Variants in HEXA observed in about 807,000 individuals in gnomAD.
HEXA encodes beta-hexosaminidase subunit alpha.
In HEXA, 54 loss-of-function variants were observed where a neutral mutation model predicts 73.3. The observed-to-expected ratio is 0.74, with a 90% CI of 0.59 to 0.92. The LOEUF (loss-of-function observed/expected upper bound fraction) is 0.92, where lower values mean the gene tolerates loss of function less well. Ranked by LOEUF, HEXA falls within the 40% of genes least tolerant of loss-of-function variation. The pLI, the probability that HEXA is intolerant of heterozygous loss-of-function variation, is 0.00. For missense variants in HEXA, 649 were observed against 653.0 expected (o/e 0.99, Z 0.07); for synonymous variants, 230 against 246.9 (o/e 0.93, Z 0.64).
At position 72,370,895 on chromosome 15, in the gene HEXA, T is replaced by C. The variant is rs560290445; in HGVS notation, c.253+4825A>G. On this transcript the variant is annotated intron_variant, in intron 1 of 13. Coordinates refer to ENST00000268097, the MANE Select transcript of HEXA (RefSeq NM_000520.6). ...TTTATTCATCACTGTATTTCTCCTA[T>C]GTATCCCTCGTTCTCCAGAAACCCC... 1.5e-4 allele frequency among the ~76,000 whole-genome samples: 23 copies of C among 152,294 alleles called. No individual in the cohort carries two copies. In the South Asian group the frequency reaches 3.9e-3, roughly 26 times the overall value.
chr15:72,369,882 A>G (rs2088965901), intron 1 of HEXA: 1 of 152,168 alleles, frequency 6.6e-6, no homozygotes, highest in African/African-American at 2.4e-5. Flanking sequence ...AAAACCTTCC[A>G]ATGCTATGCT....
intron 1 of HEXA, among the ~76,000 whole-genome samples, chr15:72,375,398 C>T (rs1475030199): frequency 1.3e-5 from 2 of 152,098 alleles, no homozygotes; most frequent in Non-Finnish European, 2.9e-5. Flanking sequence ...TTATGTCTCC[C>T]CAATTTTGAG....
intron 1 of HEXA, among the ~76,000 whole-genome samples, chr15:72,368,699 G>A (rs1007588297): frequency 3.3e-5 from 5 of 152,164 alleles, no homozygotes; most frequent in Admixed American, 2.6e-4. Flanking sequence ...ATAGGAGACT[G>A]AAGGCTTCAC....
At chr15:72,347,948 G>A in intron 9 of HEXA, 100 bp downstream of exon 9, 1 of 1,006,912 alleles carries the variant, frequency 9.9e-7, no homozygotes, top group Non-Finnish European at 1.6e-6. Context: ...AACCCTGCAG[G>A]GACCAGACAG....
intron 7 of HEXA, among the ~76,000 whole-genome samples, chr15:72,349,803 G>A (rs1352730213): frequency 6.6e-6 from 1 of 151,820 alleles, no homozygotes; most frequent in East Asian, 1.9e-4. Flanking sequence ...TTGCTCTGTC[G>A]CCCAGGCTGG....
At chr15:72,357,013 T>C in intron 1 of HEXA, 1 of 345,006 alleles carries the variant, frequency 2.9e-6, no homozygotes, top group Non-Finnish European at 5.7e-6. Flanking sequence ...ACTGTGTTAC[T>C]GGCTGGTCAC....
In HEXA at chr15:72,351,390, T is replaced by TGGC. The variant is rs2088694387; in HGVS notation, c.571-157_571-156insGCC. Reference sequence around the variant, plus strand: ...AAGTATTTATGGGGTCTATCAAACCTTCCCATCAGGGAGGGATGGCATGGA... The same window carrying TGGC: ...AAGTATTTATGGGGTCTATCAAACCTGGCTCCCATCAGGGAGGGATGGCATGGA... On this transcript the variant is annotated intron_variant, in intron 5 of 13. Transcript: ENST00000268097. The TGGC allele has an allele frequency of 5.8e-6, 4 of 690,122 alleles. No homozygotes were observed. In the South Asian group the frequency reaches 6.2e-5, roughly 11 times the overall value. The allele number at this position is 690,122 out of a possible 1,614,324, so 42.7% of individuals were successfully genotyped here.
At chr15:72,375,592 A>T (rs2089052459) in intron 1 of HEXA, 128 bp downstream of exon 1, 1 of 956,342 alleles carries the variant, frequency 1.0e-6, no homozygotes, top group African/African-American at 1.6e-5. Flanking sequence ...CAGCTCGAGG[A>T]GGAAGTGGAG....
At chr15:72,361,721 C>A (rs898729461) in intron 1 of HEXA, among the ~76,000 whole-genome samples, 1 of 152,214 alleles carries the variant, frequency 6.6e-6, no homozygotes, top group Non-Finnish European at 1.5e-5. Context: ...TACAGACTGT[C>A]TGATATCTCA....
intron 9 of HEXA, 130 bp from the exon 10 acceptor site, chr15:72,347,888 G>A (rs2088638989): frequency 2.9e-6 from 3 of 1,038,366 alleles, no homozygotes; most frequent in Non-Finnish European, 4.5e-6. Flanking sequence ...TTTCCCCTGG[G>A]CTGAAAACCA....
In HEXA at chr15:72,345,534, C is replaced by T. The variant is rs370638338; in HGVS notation, c.1438G>A (p.Val480Ile). The change falls in exon 13 of 14, where the codon GTT (valine) becomes ATT (isoleucine). Residue 480 changes from valine to isoleucine, a missense_variant. Val to Ile is a conservative substitution (Grantham distance 29). Transcript: ENST00000268097. ...TTGTTGCTCCACAGCCTTTCGGCAA[C>T]AGCCCCTGCTCTGGGCCTGGAGGAA... Reference protein sequence around the residue: ...VPRLWPRAGAVAERLWSNKLT... With the variant: ...VPRLWPRAGAIAERLWSNKLT... 6.2e-7 allele frequency: 1 copy of T among 1,614,106 alleles called. No individual in the cohort carries two copies. The highest frequency in any genetic ancestry group is 1.3e-5 in the African/African-American group (1 of 74,954).
Position 72,347,755 on chromosome 15 carries a change from C to T in HEXA, c.1077G>A (p.Leu359=). ...TGCCATAAGAAGAGACGATGTCCAG[C>T]AGCCTGGAGAGGAGAGGAGTGTCTA... is the stretch of plus-strand genomic sequence containing the variant. ...KQLESFYIQT[L]LDIVSSYGKG... is the part of the protein sequence containing the mutation. The change falls in exon 10 of 14, where the codon CTG becomes CTA. Residue 359 remains leucine, a synonymous_variant. Transcript: ENST00000268097. The T allele has an allele frequency of 1.2e-6, 2 of 1,614,116 alleles. No individual in the cohort carries two copies. The highest frequency in any genetic ancestry group is 1.7e-6 in the Non-Finnish European group (2 of 1,179,940).
rs746828145 is a variant in HEXA at position 72,346,256 on chromosome 15, G to C, written c.1400C>G (p.Thr467Arg). The C allele has an allele frequency of 6.2e-7, 1 of 1,613,784 alleles. No homozygotes were observed. The highest frequency in any genetic ancestry group is 8.5e-7 in the Non-Finnish European group (1 of 1,179,782). The change falls in exon 12 of 14, where the codon ACA becomes AGA. Residue 467 changes from threonine (T) to arginine (R), a missense_variant. Transcript: ENST00000268097. Reference sequence around the variant, plus strand: ...TTACCAGAGCCTGGGGACCAGGTTTGTGTTGTCCACATATTCTCCCCACAT... The same window carrying C: ...TTACCAGAGCCTGGGGACCAGGTTTCTGTTGTCCACATATTCTCCCCACAT... ...ACMWGEYVDN[T>R]NLVPRLWPRA...
chr15:72,346,322 G>A lies in HEXA; in HGVS notation c.1334C>T (p.Thr445Ile). 6.2e-7 allele frequency: 1 copy of A among 1,611,872 alleles called. No individual in the cohort carries two copies. The highest frequency in any genetic ancestry group is 8.5e-7 in the Non-Finnish European group (1 of 1,178,036). The change falls in exon 12 of 14, where the codon ACC becomes ATC. Residue 445 changes from threonine (T) to isoleucine (I), a missense_variant. Thr to Ile is a moderately conservative substitution (Grantham distance 89). Coordinates refer to ENST00000268097, the MANE Select transcript of HEXA (RefSeq NM_000520.6). ...YIVEPLAFEGTPEQKALVIGG... is the reference protein window; with the variant it reads ...YIVEPLAFEGIPEQKALVIGG... ...AATCACCAGAGCCTTCTGCTCAGGG[G>A]TACCTGAGGGAAAACAAGCAACAAC... is the stretch of plus-strand genomic sequence containing the variant.
intron 1 of HEXA, chr15:72,357,013 TG>T: frequency 2.9e-6 from 1 of 345,004 alleles, no homozygotes; most frequent in Non-Finnish European, 5.7e-6. Context: ...ACTGTGTTAC[TG>T]GCTGGTCACT....
intron 6 of HEXA, 60 bp downstream of exon 6, chr15:72,351,073 G>T: frequency 9.0e-7 from 1 of 1,109,482 alleles, no homozygotes; most frequent in Non-Finnish European, 1.4e-6. Flanking sequence ...TTGCCAGCAG[G>T]GCCACAGCCA....
At chr15:72,345,151 T>A (rs1346949853) in intron 13 of HEXA, 2 of 427,534 alleles carry the variant, frequency 4.7e-6, no homozygotes, top group Non-Finnish European at 8.5e-6. Flanking sequence ...TATTTGCATA[T>A]AACCAATGTA....
intron 1 of HEXA, among the ~76,000 whole-genome samples, chr15:72,373,568 T>C (rs905777322): frequency 6.6e-6 from 1 of 152,204 alleles, no homozygotes; most frequent in African/African-American, 2.4e-5. Context: ...GAAATAAACA[T>C]CTTATTGAAT....
rs863225434 is a variant in HEXA at position 72,346,271 on chromosome 15, T to A, written c.1385A>T (p.Glu462Val). The part of the protein sequence containing the change: ...VIGGEACMWG[E>V]YVDNTNLVPR... ...GACCAGGTTTGTGTTGTCCACATAT[T>A]CTCCCCACATACAAGCCTCTCCACC... The change falls in exon 12 of 14, where the codon GAA becomes GTA. Residue 462 changes from glutamate to valine, a missense_variant. Coordinates refer to ENST00000268097, the MANE Select transcript of HEXA (RefSeq NM_000520.6). 6 of 1,613,944 alleles carry A rather than the reference T, an allele frequency of 3.7e-6. No individual in the cohort carries two copies. In the South Asian group the frequency reaches 6.6e-5, roughly 18 times the overall value.
Sources: allele counts gnomAD v4.1 joint callset (sites outside exome capture counted in the v4.1 genomes callset), GRCh38; gene constraint gnomAD v4.1.1; transcripts MANE v1.5; gene names NCBI Gene and HGNC (gene_info 2026-07-23, HGNC 2026-07-21).